The following MAVS variants were observed in gnomAD, a reference collection of about 807,000 sequenced individuals.
The protein encoded by MAVS is mitochondrial antiviral signaling protein.
A neutral mutation model predicts 30.2 loss-of-function variants in MAVS; 20 were observed. That is an observed-to-expected ratio of 0.66 (90% CI 0.47 to 0.96). The LOEUF (loss-of-function observed/expected upper bound fraction) is 0.96. Among genes scored for constraint, MAVS ranks in the 40% least tolerant of loss-of-function variants. MAVS has a pLI of 0.00. For synonymous variants in MAVS, 278 were observed against 293.9 expected, an observed-to-expected ratio of 0.95 and a Z score of 0.55; for missense variants, 624 against 701.1, an observed-to-expected ratio of 0.89 and a Z score of 1.24.
rs541082776 is a variant in MAVS, at chr20:3,870,348, C to T, written c.*4201C>T. Reference sequence around the variant, plus strand: ...GCCCCTCTCCACCTTCTTTCTCCCGCTGAATCATTTCCCTCAAAGCCCAAG... The same window carrying T: ...GCCCCTCTCCACCTTCTTTCTCCCGTTGAATCATTTCCCTCAAAGCCCAAG... On this transcript the variant is annotated 3_prime_UTR_variant, in exon 7 of 7. Transcript: ENST00000428216. 6.6e-6 allele frequency: 1 copy of T among 152,592 alleles called. No individual in the cohort carries two copies. Among genetic ancestry groups the T allele is most frequent in the South Asian group, 2.1e-4 (1 of 4,824 alleles). 9.5% of individuals were successfully genotyped at this position (152,592 alleles called of 1,614,324 possible).
At position 3,866,592 on chromosome 20, in the gene MAVS, A is replaced by T; in HGVS notation, c.*445A>T. 4 of 352,820 alleles carry T rather than the reference A, an allele frequency of 1.1e-5. No homozygotes were observed. The highest frequency in any genetic ancestry group is 2.2e-5 in the Non-Finnish European group (4 of 179,826). The allele number at this position is 352,820 out of a possible 1,614,324, so 21.9% of individuals were successfully genotyped here. A position where few individuals can be genotyped will look rare whatever the true frequency, so the allele number is the denominator to read the frequency against. On this transcript the variant is annotated 3_prime_UTR_variant, in exon 7 of 7. Transcript: ENST00000428216. ...TGTGGTGTGTGGGCGACTCCACAAG[A>T]CCTGCCTCCCATCCTGGCAGCCCAG...
At chr20:3,859,992 AT>A (rs376134590) in intron 3 of MAVS, among the ~76,000 whole-genome samples, 65 of 150,122 alleles carry the variant, frequency 4.3e-4, no homozygotes, top group Admixed American at 1.5e-3. Context: ...AACTTTTTGT[AT>A]TTTTTAGTAG....
chr20:3,847,164 T>A (rs1345796824), intron 1 of MAVS, among the ~76,000 whole-genome samples: 1 of 151,884 alleles, frequency 6.6e-6, no homozygotes, highest in Non-Finnish European at 1.5e-5. Context: ...CTGCTCAGGC[T>A]GGGGGAAAGG....
Position 3,864,398 on chromosome 20 carries a change from C to T in MAVS, c.768C>T (p.Ser256=). Residue 256 remains serine (S), a synonymous_variant, in exon 6 of 7, where the codon TCC becomes TCT. Coordinates refer to ENST00000428216, the MANE Select transcript of MAVS (RefSeq NM_020746.5). ...SVVSTGTSFS[S]SSPGLASAGA... ...TATCTACTGGCACCTCCTTCTCCTC[C>T]TCATCCCCTGGCTTGGCCTCTGCAG... The T allele has an allele frequency of 6.2e-7, 1 of 1,614,092 alleles. No homozygotes were observed. The highest frequency in any genetic ancestry group is 1.3e-5 in the African/African-American group (1 of 75,024).
intron 1 of MAVS, 22 bp from the exon 2 acceptor site, chr20:3,854,536 T>C (rs1351846508): frequency 1.2e-6 from 1 of 819,810 alleles, no homozygotes; most frequent in African/African-American, 1.7e-5. Context: ...CCTGTTGTAA[T>C]GTGTGATCTG....
chr20:3,854,897 T>C (rs1343772675), intron 2 of MAVS, among the ~76,000 whole-genome samples, 156 bp downstream of exon 2: 1 of 149,030 alleles, frequency 6.7e-6, no homozygotes, highest in Non-Finnish European at 1.5e-5. Flanking sequence ...TTTTCTTTTT[T>C]TTTTTTTTTT....
intron 1 of MAVS, among the ~76,000 whole-genome samples, chr20:3,849,718 G>A (rs376481142): frequency 1.3e-5 from 2 of 152,270 alleles, no homozygotes; most frequent in East Asian, 3.9e-4. Context: ...GTCTCCAGGG[G>A]CTCTGTCTCA....
intron 2 of MAVS, among the ~76,000 whole-genome samples, chr20:3,856,202 CT>C (rs1280047606): frequency 6.6e-6 from 1 of 151,370 alleles, no homozygotes; most frequent in Non-Finnish European, 1.5e-5. Flanking sequence ...CTACAGGCGC[CT>C]GCCACCATGC....
In MAVS at chr20:3,873,543, A is replaced by T. The variant is rs1331157140; in HGVS notation, c.*7396A>T. The T allele has an allele frequency of 3.9e-5, 6 of 152,350 alleles. No homozygotes were observed. The highest frequency in any genetic ancestry group is 1.4e-4 in the African/African-American group (6 of 41,430). 9.4% of individuals were successfully genotyped at this position (152,350 alleles called of 1,614,324 possible). ...AGCGAGACTCCATCTCAAAAAAATA[A>T]TAAAGATGTGGGGCCTGTGGGAGGT... is the stretch of plus-strand genomic sequence containing the variant. On this transcript the variant is annotated 3_prime_UTR_variant, in exon 7 of 7. Transcript: ENST00000428216.
chr20:3,859,824 C>CT (rs1179691792), intron 3 of MAVS, among the ~76,000 whole-genome samples: 5 of 148,566 alleles, frequency 3.4e-5, no homozygotes, highest in Admixed American at 6.7e-5. Flanking sequence ...CTTGTCACTC[C>CT]TTTTTTTTTT....
chr20:3,851,259 C>T (rs1015028223), intron 1 of MAVS, among the ~76,000 whole-genome samples: 11 of 151,762 alleles, frequency 7.2e-5, no homozygotes, highest in Non-Finnish European at 1.2e-4. Context: ...ACCCGAGAAG[C>T]AGAGGTTGCA....
At chr20:3,857,586 T>C in intron 2 of MAVS, 49 bp from the exon 3 acceptor site, 8 of 1,560,380 alleles carry the variant, frequency 5.1e-6, no homozygotes, top group Non-Finnish European at 6.1e-6. Context: ...GGTGGGGAAG[T>C]GGCAGGGGCC....
rs2089948041 is a variant in MAVS, at chr20:3,870,676, A to AAAAAC, written c.*4529_*4530insAAAAC. ...AAAAAAAAAAAAAAAAAAAAAAAAAATCTAGGAGATGCTCTTTACCCTGCC... is the reference window on the plus strand; with the variant it reads ...AAAAAAAAAAAAAAAAAAAAAAAAAAAAAACTCTAGGAGATGCTCTTTACCCTGCC... On this transcript the variant is annotated 3_prime_UTR_variant, in exon 7 of 7. Transcript: ENST00000428216. 7.4e-6 allele frequency: 1 copy of AAAAAC among 135,862 alleles called. No individual in the cohort carries two copies. Among genetic ancestry groups the AAAAAC allele is most frequent in the Non-Finnish European group, 1.5e-5 (1 of 64,830 alleles). The allele number at this position is 135,862 out of a possible 1,614,324, so 8.4% of individuals were successfully genotyped here.
Position 3,848,676 on chromosome 20 carries a change from G to A in MAVS, c.-68+1773G>A, listed in dbSNP as rs73610103. Among the ~76,000 whole-genome samples the A allele has an allele frequency of 8.0e-4, 122 of 152,290 alleles. 2 individuals carry two copies. The East Asian group carries it at 0.02, about 26-fold the overall frequency. On this transcript the variant is annotated intron_variant, in intron 1 of 6. Coordinates refer to ENST00000428216, the MANE Select transcript of MAVS (RefSeq NM_020746.5). ...GCCTCCTGAGAGAGGTCTCATGCCT[G>A]CCTGATGCCCACTTGGTCCTCTCCT... is the stretch of plus-strand genomic sequence containing the variant.
At chr20:3,848,234 G>C (rs1200552991) in intron 1 of MAVS, among the ~76,000 whole-genome samples, 1 of 152,188 alleles carries the variant, frequency 6.6e-6, no homozygotes, top group African/African-American at 2.4e-5. Flanking sequence ...GAGTAGCTGG[G>C]ACTACAGGTG....
intron 3 of MAVS, among the ~76,000 whole-genome samples, chr20:3,860,328 AG>A (rs2089855720): frequency 6.7e-6 from 1 of 150,336 alleles, no homozygotes. Flanking sequence ...CCCGGGTTCA[AG>A]TGGTTCTCCT....
chr20:3,861,000 C>CTT (rs1409175800), intron 3 of MAVS, among the ~76,000 whole-genome samples: 1 of 118,740 alleles, frequency 8.4e-6, no homozygotes. Flanking sequence ...TTTTTTCTTT[C>CTT]TTTTTTTTTT....
intron 1 of MAVS, among the ~76,000 whole-genome samples, chr20:3,847,854 G>A (rs770215346): frequency 2.0e-4 from 31 of 152,288 alleles, no homozygotes; most frequent in Non-Finnish European, 4.1e-4. Context: ...CTAGCCTCTG[G>A]CCAGCTGTGC....
At chr20:3,857,924 T>C in intron 3 of MAVS, 115 bp downstream of exon 3, 2 of 1,180,178 alleles carry the variant, frequency 1.7e-6, no homozygotes, top group Non-Finnish European at 2.5e-6. Context: ...CTTGTCACTG[T>C]GAAGCGATGA....
Sources: gnomAD v4.1 joint callset for allele counts (sites outside exome capture counted in the v4.1 genomes callset) on GRCh38, gnomAD v4.1.1 for gene constraint, MANE v1.5 for transcripts, NCBI Gene and HGNC (gene_info 2026-07-23, HGNC 2026-07-21) for gene names.